IQSEC1: variants seen among roughly 807,000 people sequenced by gnomAD.
The protein encoded by IQSEC1 is IQ motif and Sec7 domain ArfGEF 1, also known as IQ motif and SEC7 domain-containing protein 1.
Under a neutral mutation model 91.0 loss-of-function variants are expected in IQSEC1, and 31 were observed. The ratio of observed to expected loss-of-function variants is 0.34; its 90% CI spans 0.26 to 0.46. The LOEUF is 0.46. IQSEC1 is among the 20% of genes least tolerant of loss of function. The pLI, the probability that IQSEC1 is intolerant of heterozygous loss-of-function variation, is 1.00. For missense variants in IQSEC1, 1,388 were observed against 1,575.6 expected (o/e 0.88, Z 2.02); for synonymous variants, 699 against 662.6 (o/e 1.05, Z -0.84).
At position 12,970,842 on chromosome 3, in the gene IQSEC1, C is replaced by G. The variant is rs79745712; in HGVS notation, c.24-28977G>C. 9.2e-3 allele frequency among the ~76,000 whole-genome samples: 1,407 copies of G among 152,312 alleles called. 19 individuals carry two copies. Among genetic ancestry groups the G allele is most frequent in the African/African-American group, 0.032 (1,348 of 41,558 alleles). ...TTACTCTGCACCTGCTTGCTTATAC[C>G]AGTGAGCTGTATTCCAACTGCCAGG... is the stretch of plus-strand genomic sequence containing the variant. On this transcript the variant is annotated intron_variant, in intron 1 of 13. Transcript: ENST00000613206. The surrounding 1 kb of genome is among the most constrained non-coding windows in gnomAD (Gnocchi z 4.4).
At chr3:13,100,831 C>T (rs568419679) in intron 2 of IQSEC1, among the ~76,000 whole-genome samples, 10 of 148,754 alleles carry the variant, frequency 6.7e-5, no homozygotes, top group Non-Finnish European at 1.2e-4. Flanking sequence ...TCGGGGGGAC[C>T]GACAGGAAAC....
intron 2 of IQSEC1, among the ~76,000 whole-genome samples, chr3:13,101,968 C>T (rs1706072559): frequency 6.6e-6 from 1 of 152,018 alleles, no homozygotes; most frequent in South Asian, 2.1e-4. Context: ...GTGCAGTGAG[C>T]CAGGGGCCCA....
rs143843769 is a variant in IQSEC1 at position 13,280,164 on chromosome 3, C to T, written c.272+2547G>A. Among the ~76,000 whole-genome samples, 446 of 152,298 alleles carry T rather than the reference C, an allele frequency of 2.9e-3. 3 individuals are homozygous for T. Among genetic ancestry groups the T allele is most frequent in the African/African-American group, 0.01 (421 of 41,556 alleles). The stretch of plus-strand genomic sequence containing the variant: ...GTAGTATGACTTGTCCCATGGTCAC[C>T]GGCTGGGAAGTGCAGGGCTGGGCCT... On this transcript the variant is annotated intron_variant, in intron 1 of 15. Transcript: ENST00000648114.
intron 1 of IQSEC1, among the ~76,000 whole-genome samples, chr3:13,229,489 A>G (rs1212099096): frequency 1.3e-5 from 2 of 152,230 alleles, no homozygotes; most frequent in Admixed American, 1.3e-4. Flanking sequence ...CAATCGAGGC[A>G]GTAATGGCTG....
intron 1 of IQSEC1, among the ~76,000 whole-genome samples, chr3:13,228,375 G>A (rs1694792893): frequency 6.6e-6 from 1 of 151,820 alleles, no homozygotes; most frequent in African/African-American, 2.4e-5. Context: ...GCATGACCTC[G>A]GCAAGTCACT....
chr3:13,066,937 G>A lies in IQSEC1; in HGVS notation c.23+6055C>T, dbSNP rs554706945. Among the ~76,000 whole-genome samples, 8 of 152,372 alleles carry A rather than the reference G, an allele frequency of 5.3e-5. No individual in the cohort carries two copies. In the South Asian group the frequency reaches 8.3e-4, roughly 16 times the overall value. ...ATCGGCAGGATGGGGCCATGTGAAT[G>A]AGCCAGCATGCCTGGAGCTGCTGTG... On this transcript the variant is annotated intron_variant, in intron 1 of 13. Transcript: ENST00000613206.
chr3:13,152,462 T>G (rs910162325), intron 2 of IQSEC1, among the ~76,000 whole-genome samples: 9 of 152,236 alleles, frequency 5.9e-5, no homozygotes, highest in African/African-American at 1.9e-4. Flanking sequence ...ACATGAAACT[T>G]CATGAGTCTC....
At chr3:13,067,406 G>A (rs946089372) in intron 1 of IQSEC1, among the ~76,000 whole-genome samples, 3 of 152,198 alleles carry the variant, frequency 2.0e-5, no homozygotes, top group Non-Finnish European at 4.4e-5. Flanking sequence ...TGGTCCACAG[G>A]CATTGGGTGG....
chr3:12,949,304 C>T (rs1218283295), intron 1 of IQSEC1, among the ~76,000 whole-genome samples: 3 of 152,218 alleles, frequency 2.0e-5, no homozygotes, highest in Admixed American at 6.5e-5. Flanking sequence ...AGCCTAGCCA[C>T]GTGTGGCCAG....
In IQSEC1 at chr3:12,899,758, C is replaced by CT; in HGVS notation, c.*1224dup. On this transcript the variant is annotated 3_prime_UTR_variant, in exon 14 of 14. Coordinates refer to ENST00000613206, the MANE Select transcript of IQSEC1 (RefSeq NM_001134382.3). ...TGGGTTGCTAAACGCTAAAGTCAACCTTCAGGTTCGAGAGTGGTTCCTGAT... is the reference window on the plus strand; with the variant it reads ...TGGGTTGCTAAACGCTAAAGTCAACCTTTCAGGTTCGAGAGTGGTTCCTGAT... 1 of 985,412 alleles carries CT rather than the reference C, an allele frequency of 1.0e-6. No homozygotes were observed. Among genetic ancestry groups the CT allele is most frequent in the East Asian group, 1.1e-4 (1 of 8,816 alleles). The allele number at this position is 985,412 out of a possible 1,614,324, so 61.0% of individuals were successfully genotyped here.
intron 2 of IQSEC1, among the ~76,000 whole-genome samples, chr3:13,105,716 T>C (rs62234160): frequency 0.06 from 9,156 of 152,080 alleles, 451 homozygotes; most frequent in East Asian, 0.23. Context: ...AGTGAAAGAC[T>C]GCATTTCCCA....
chr3:13,096,970 C>A (rs896975443), intron 2 of IQSEC1, among the ~76,000 whole-genome samples: 1 of 151,976 alleles, frequency 6.6e-6, no homozygotes, highest in African/African-American at 2.4e-5. Context: ...ACGCCATTCT[C>A]CTACCTCAGC....
chr3:13,278,691 C>T (rs1463438901), intron 1 of IQSEC1, among the ~76,000 whole-genome samples: 2 of 152,140 alleles, frequency 1.3e-5, no homozygotes, highest in African/African-American at 4.8e-5. Flanking sequence ...TGGTGGTGCA[C>T]GCCTGTAATC....
chr3:13,130,696 G>A (rs1706597572), intron 2 of IQSEC1, among the ~76,000 whole-genome samples: 1 of 152,092 alleles, frequency 6.6e-6, no homozygotes, highest in Admixed American at 6.5e-5. Flanking sequence ...CAACACTTTG[G>A]GAGGCTGAGG....
chr3:13,064,895 G>A (rs1705184347), intron 1 of IQSEC1, among the ~76,000 whole-genome samples: 1 of 152,248 alleles, frequency 6.6e-6, no homozygotes, highest in Admixed American at 6.5e-5. Context: ...GGGGCCCACT[G>A]TCAAAGAGAT....
At chr3:13,003,769 G>C (rs1031021990) in intron 1 of IQSEC1, among the ~76,000 whole-genome samples, 2 of 152,182 alleles carry the variant, frequency 1.3e-5, no homozygotes, top group Admixed American at 6.5e-5. Context: ...TTAGATCCTA[G>C]TATCATGTCC....
intron 1 of IQSEC1, among the ~76,000 whole-genome samples, chr3:13,025,648 A>G (rs569272646): frequency 6.6e-6 from 1 of 152,144 alleles, no homozygotes; most frequent in East Asian, 1.9e-4. Flanking sequence ...AGACCCTCTA[A>G]TTTCTGCCTC....
chr3:13,246,692 C>T (rs986073608), intron 1 of IQSEC1, among the ~76,000 whole-genome samples: 1 of 152,178 alleles, frequency 6.6e-6, no homozygotes, highest in African/African-American at 2.4e-5. Flanking sequence ...AGTTCAGAGG[C>T]TTTGCTAACT....
chr3:13,210,101 A>G (rs577472998), intron 1 of IQSEC1, among the ~76,000 whole-genome samples: 1 of 152,246 alleles, frequency 6.6e-6, no homozygotes, highest in South Asian at 2.1e-4. Flanking sequence ...TTCTCAGCCC[A>G]GGGAGTTAGT....
Sources: allele counts gnomAD v4.1 joint callset (sites outside exome capture counted in the v4.1 genomes callset), GRCh38; gene constraint gnomAD v4.1.1; non-coding constraint Gnocchi (gnomAD v3.1); transcripts MANE v1.5; gene names NCBI Gene and HGNC (gene_info 2026-07-23, HGNC 2026-07-21).